Variants in PHKB observed in about 807,000 individuals in gnomAD.
The protein encoded by PHKB is phosphorylase kinase regulatory subunit beta.
Under a neutral mutation model 152.1 loss-of-function variants are expected in PHKB, and 122 were observed. That is an observed-to-expected ratio of 0.80 (90% CI 0.69 to 0.93). The LOEUF is 0.93. Ranked by LOEUF, PHKB falls within the 40% of genes least tolerant of loss-of-function variation. The pLI is 0.00. For synonymous variants in PHKB, 436 were observed against 464.9 expected (o/e 0.94, Z 0.80); for missense variants, 1,304 against 1,328.4 (o/e 0.98, Z 0.29).
At chr16:47,537,630 T>C (rs1315265510) in intron 6 of PHKB, among the ~76,000 whole-genome samples, 2 of 152,156 alleles carry the variant, frequency 1.3e-5, no homozygotes, top group Non-Finnish European at 2.9e-5. Flanking sequence ...TCATATAAAT[T>C]TTATTGAACA....
intron 13 of PHKB, among the ~76,000 whole-genome samples, chr16:47,604,354 A>C (rs1167816953): frequency 1.3e-5 from 2 of 152,056 alleles, no homozygotes; most frequent in Non-Finnish European, 2.9e-5. Flanking sequence ...TTTCCTATTT[A>C]GTTTTTGCTG....
intron 5 of PHKB, among the ~76,000 whole-genome samples, chr16:47,514,596 A>G (rs1970564489): frequency 6.6e-6 from 1 of 152,280 alleles, no homozygotes; most frequent in East Asian, 1.9e-4. Context: ...GGTCTTCCCC[A>G]CTCAGACAGC....
At chr16:47,652,324 T>A (rs530816473) in intron 20 of PHKB, among the ~76,000 whole-genome samples, 1 of 151,616 alleles carries the variant, frequency 6.6e-6, no homozygotes, top group East Asian at 1.9e-4. Context: ...ATCTAGGTTC[T>A]AAGCACAGTT....
rs979451325 is a variant in PHKB at position 47,701,090 on chromosome 16, A to G, written c.*1724A>G. The G allele has an allele frequency of 6.6e-6, 1 of 152,140 alleles. No individual in the cohort carries two copies. The highest frequency in any genetic ancestry group is 1.5e-5 in the Non-Finnish European group (1 of 68,014). The allele number at this position is 152,140 out of a possible 1,614,324, so 9.4% of individuals were successfully genotyped here. On this transcript the variant is annotated 3_prime_UTR_variant, in exon 31 of 31. Coordinates refer to ENST00000323584, the MANE Select transcript of PHKB (RefSeq NM_000293.3). ...AAAGATAGTCGTGAAGGGTGAAGCT[A>G]ATTTGTAAAACTAATGCCTGAAAAA...
At chr16:47,603,148 A>G (rs760261765) in intron 13 of PHKB, among the ~76,000 whole-genome samples, 5 of 152,212 alleles carry the variant, frequency 3.3e-5, no homozygotes, top group Non-Finnish European at 7.3e-5. Context: ...TATGTATATA[A>G]GGACATAAGA....
intron 26 of PHKB, among the ~76,000 whole-genome samples, chr16:47,682,418 C>G (rs888526250): frequency 3.9e-5 from 6 of 152,138 alleles, no homozygotes; most frequent in East Asian, 1.9e-4. Flanking sequence ...CGTAGATTTG[C>G]TCTTTTCACA....
intron 26 of PHKB, among the ~76,000 whole-genome samples, chr16:47,672,977 C>A (rs1973662588): frequency 6.6e-6 from 1 of 152,048 alleles, no homozygotes; most frequent in Admixed American, 6.5e-5. Flanking sequence ...TATTCACCGT[C>A]CTGAAACTCA....
Position 47,663,901 on chromosome 16 carries a change from C to T in PHKB, c.2336+167C>T, listed in dbSNP as rs1973489564. On this transcript the variant is annotated intron_variant, in intron 24 of 30. Transcript: ENST00000323584. ...TGTGCCTATGTAGCATGTCTGTCCC[C>T]CCACTGCCTCCACCAAAATTCTGAG... 3 of 641,272 alleles carry T rather than the reference C, an allele frequency of 4.7e-6. No individual in the cohort carries two copies. The Admixed American group carries it at 7.3e-5, about 16-fold the overall frequency. The allele number at this position is 641,272 out of a possible 1,614,324, so 39.7% of individuals were successfully genotyped here. A position where few individuals can be genotyped will look rare whatever the true frequency, so the allele number is the denominator to read the frequency against.
At chr16:47,466,643 T>C (rs1969673721) in intron 1 of PHKB, among the ~76,000 whole-genome samples, 1 of 152,256 alleles carries the variant, frequency 6.6e-6, no homozygotes, top group Non-Finnish European at 1.5e-5. Flanking sequence ...TCTCTTTATG[T>C]TCTTTGATTA....
chr16:47,613,222 T>C (rs1317813825), intron 14 of PHKB, among the ~76,000 whole-genome samples: 1 of 152,120 alleles, frequency 6.6e-6, no homozygotes, highest in African/African-American at 2.4e-5. Flanking sequence ...TGTGAAAGGA[T>C]ACAGAATAAA....
intron 1 of PHKB, among the ~76,000 whole-genome samples, chr16:47,478,056 TA>T (rs1392462460): frequency 6.6e-6 from 1 of 152,172 alleles, no homozygotes; most frequent in African/African-American, 2.4e-5. Flanking sequence ...AGTTTCAGAA[TA>T]AGAAGTGATA....
intron 6 of PHKB, among the ~76,000 whole-genome samples, chr16:47,542,337 C>G (rs889003800): frequency 8.5e-5 from 13 of 152,114 alleles, no homozygotes; most frequent in African/African-American, 3.1e-4. Context: ...TCTGAGGCCT[C>G]TGTTCTGTTC....
At chr16:47,515,741 T>C in intron 6 of PHKB, 140 bp downstream of exon 6, 2 of 650,600 alleles carry the variant, frequency 3.1e-6, no homozygotes, top group Non-Finnish European at 5.4e-6. Context: ...AGATGTTGGT[T>C]GTTGAATGAA....
At chr16:47,642,798 A>G (rs1052037692) in intron 16 of PHKB, among the ~76,000 whole-genome samples, 2 of 152,082 alleles carry the variant, frequency 1.3e-5, no homozygotes, top group African/African-American at 4.8e-5. Flanking sequence ...TTTAACCACC[A>G]CTACCCTGCC....
At chr16:47,587,534 T>G (rs1971954858) in intron 8 of PHKB, 134 bp from the exon 9 acceptor site, 6 of 646,266 alleles carry the variant, frequency 9.3e-6, no homozygotes, top group Non-Finnish European at 1.4e-5. Context: ...CAAACAAAAT[T>G]TAAATCTTCT....
At chr16:47,597,432 C>CAGGCAGAAGCT (rs1409739052) in intron 13 of PHKB, among the ~76,000 whole-genome samples, 1 of 152,046 alleles carries the variant, frequency 6.6e-6, no homozygotes, top group Non-Finnish European at 1.5e-5. Context: ...TATGTAAGAA[C>CAGGCAGAAGCT]AGGCAGAAGC....
intron 1 of PHKB, among the ~76,000 whole-genome samples, chr16:47,474,329 T>C (rs1969831691): frequency 6.6e-6 from 1 of 152,200 alleles, no homozygotes; most frequent in Non-Finnish European, 1.5e-5. Context: ...GCCATAGAGA[T>C]GAACACTTAT....
intron 1 of PHKB, among the ~76,000 whole-genome samples, chr16:47,467,352 G>A (rs542354021): frequency 2.0e-5 from 3 of 152,214 alleles, no homozygotes; most frequent in African/African-American, 7.2e-5. Context: ...ACTCCATTTT[G>A]TAAATTTAGC....
chr16:47,507,118 C>T (rs1394378356), intron 4 of PHKB, among the ~76,000 whole-genome samples: 1 of 152,078 alleles, frequency 6.6e-6, no homozygotes, highest in Non-Finnish European at 1.5e-5. Context: ...GGGCTACAGG[C>T]ATGCACCAAC....
Sources: gnomAD v4.1 joint callset for allele counts (sites outside exome capture counted in the v4.1 genomes callset) on GRCh38, gnomAD v4.1.1 for gene constraint, MANE v1.5 for transcripts, NCBI Gene and HGNC (gene_info 2026-07-23, HGNC 2026-07-21) for gene names.